Variants in TBX10 observed in about 807,000 individuals in gnomAD.
TBX10 encodes the protein T-box transcription factor 10.
In TBX10, 26 loss-of-function variants were observed where a neutral mutation model predicts 32.4. The ratio of observed to expected loss-of-function variants is 0.80; its 90% CI spans 0.59 to 1.11. TBX10 has a LOEUF of 1.11. TBX10 is among the 50% of genes most tolerant of loss of function. The pLI, the probability that TBX10 is intolerant of heterozygous loss-of-function variation, is 0.00. For missense variants in TBX10, 490 were observed against 494.5 expected (o/e 0.99, Z 0.09); for synonymous variants, 195 against 203.1 (o/e 0.96, Z 0.34).
rs781132994 is a variant in TBX10, at chr11:67,631,755, G to T, written c.1008C>A (p.Ser336Arg). Residue 336 changes from serine (S) to arginine (R), a missense_variant, in exon 8 of 8, where the codon AGC becomes AGA. Transcript: ENST00000335385. ...GTCGGGTCCTTGGGATCCCTAGGTG[G>T]CTCGGGGCTCCAGAGTACAGGCTCT... ...TYQSLYSGAP[S>R]HLGIPRTRPA... 1.5e-5 allele frequency: 24 copies of T among 1,608,468 alleles called. No homozygotes were observed. The East Asian group carries it at 2.9e-4, about 19-fold the overall frequency.
At chr11:67,641,627 G>A (rs1352062629), upstream of TBX10, among the ~76,000 whole-genome samples, 2 of 152,240 alleles carry the variant, frequency 1.3e-5, no homozygotes, top group South Asian at 2.1e-4. Flanking sequence ...GGATGGGCAG[G>A]GTGGGGGTGT....
Position 67,631,604 on chromosome 11 carries a change from A to G in TBX10, c.*1T>C, listed in dbSNP as rs766044725. 8.2e-6 allele frequency: 13 copies of G among 1,593,616 alleles called. No individual in the cohort carries two copies. The highest frequency in any genetic ancestry group is 2.7e-5 in the African/African-American group (2 of 74,712). ...AGGGCTTCCCCCCAGGGCTTCTGGC[A>G]TCACTGGGAGTCCTGGCCAGGCCCC... On this transcript the variant is annotated 3_prime_UTR_variant, in exon 8 of 8. Coordinates refer to ENST00000335385, the MANE Select transcript of TBX10 (RefSeq NM_005995.5).
Position 67,635,251 on chromosome 11 carries a change from G to A in TBX10, c.20C>T (p.Ala7Val), listed in dbSNP as rs1207575715. The A allele has an allele frequency of 6.2e-7, 1 of 1,613,470 alleles. No homozygotes were observed. Among genetic ancestry groups the A allele is most frequent in the Admixed American group, 1.7e-5 (1 of 60,026 alleles). The change falls in exon 2 of 8, where the codon GCT becomes GTT. Residue 7 changes from alanine to valine, a missense_variant. Physicochemically the swap from Ala to Val is moderately conservative, Grantham distance 64 (BLOSUM62 0). This residue lies in a region of TBX10 where 307 missense variants were observed against 294.9 expected (regional missense o/e 1.04). Transcript: ENST00000335385. MAAFLS[A>V]GLGILAPSET... ...TGAGGGTGCAAGTATGCCGAGGCCAGCAGATAGGAAGGCTGTGGAGAGAGG... is the reference window on the plus strand; with the variant it reads ...TGAGGGTGCAAGTATGCCGAGGCCAACAGATAGGAAGGCTGTGGAGAGAGG...
chr11:67,639,819 C>A (rs1486848688), upstream of TBX10, among the ~76,000 whole-genome samples: 2 of 152,162 alleles, frequency 1.3e-5, no homozygotes, highest in Non-Finnish European at 2.9e-5. Flanking sequence ...TGCAGAGCCC[C>A]CCTTCCTCCC....
At chr11:67,633,188 G>A (rs1325174400) in intron 4 of TBX10, 85 bp from the exon 5 acceptor site, 25 of 1,529,900 alleles carry the variant, frequency 1.6e-5, no homozygotes, top group Non-Finnish European at 2.2e-5. Context: ...TCCAAGCCGG[G>A]AGACTGCCCT....
At chr11:67,636,127 G>A (rs1202942089) in intron 1 of TBX10, among the ~76,000 whole-genome samples, 1 of 141,926 alleles carries the variant, frequency 7.0e-6, no homozygotes, top group African/African-American at 2.7e-5. Context: ...TTCCCAGGCT[G>A]GAGTGCAGCG....
intron 6 of TBX10, 40 bp downstream of exon 6, chr11:67,632,563 G>T (rs1215135774): frequency 6.2e-7 from 1 of 1,606,958 alleles, no homozygotes; most frequent in Non-Finnish European, 8.5e-7. Flanking sequence ...GGATATGCCT[G>T]GGGTGGGGGT....
Position 67,631,778 on chromosome 11 carries a change from T to C in TBX10, c.985A>G (p.Ser329Gly). The C allele has an allele frequency of 2.5e-6, 4 of 1,602,810 alleles. No individual in the cohort carries two copies. Among genetic ancestry groups the C allele is most frequent in the Non-Finnish European group, 3.4e-6 (4 of 1,175,222 alleles). The change falls in exon 8 of 8, where the codon AGC (serine) becomes GGC (glycine). Residue 329 changes from serine (S) to glycine (G), a missense_variant. Transcript: ENST00000335385. Reference sequence around the variant, plus strand: ...TGGCTCGGGGCTCCAGAGTACAGGCTCTGATACGTGACAGGCCTGTAGGTG... The same window carrying C: ...TGGCTCGGGGCTCCAGAGTACAGGCCCTGATACGTGACAGGCCTGTAGGTG... ...PATYRPVTYQSLYSGAPSHLG... is the reference protein window; with the variant it reads ...PATYRPVTYQGLYSGAPSHLG...
intron 1 of TBX10, among the ~76,000 whole-genome samples, chr11:67,638,104 G>A (rs2083758247): frequency 6.6e-6 from 1 of 152,128 alleles, no homozygotes; most frequent in Non-Finnish European, 1.5e-5. Context: ...CTATTCGGGA[G>A]GCTGAGACAC....
At position 67,631,385 on chromosome 11, in the gene TBX10, G is replaced by T; in HGVS notation, c.*220C>A. ...GTTACCCCCAAAGCAAGAGGGCACA[G>T]TATTCAGGCTGCTGGGGTTGGGAGA... On this transcript the variant is annotated 3_prime_UTR_variant, in exon 8 of 8. Coordinates refer to ENST00000335385, the MANE Select transcript of TBX10 (RefSeq NM_005995.5). 3 of 617,946 alleles carry T rather than the reference G, an allele frequency of 4.9e-6. No individual in the cohort carries two copies. Among genetic ancestry groups the T allele is most frequent in the Non-Finnish European group, 8.5e-6 (3 of 354,568 alleles). 38.3% of individuals were successfully genotyped at this position (617,946 alleles called of 1,614,324 possible).
intron 5 of TBX10, 126 bp from the exon 6 acceptor site, chr11:67,632,796 A>C: frequency 6.5e-7 from 1 of 1,540,922 alleles, no homozygotes; most frequent in Non-Finnish European, 9.0e-7. Flanking sequence ...CTGAGCTGAT[A>C]GGAGTGCGGG....
upstream of TBX10, among the ~76,000 whole-genome samples, chr11:67,640,482 T>C (rs960549127): frequency 6.6e-6 from 1 of 152,158 alleles, no homozygotes; most frequent in Non-Finnish European, 1.5e-5. Context: ...GAAGTGGGCG[T>C]CCGCTCTGCC....
At position 67,631,406 on chromosome 11, in the gene TBX10, G is replaced by C. The variant is rs1855228406; in HGVS notation, c.*199C>G. ...CACAGTATTCAGGCTGCTGGGGTTG[G>C]GAGATAGAAGTCCTGGTTCCAAGCT... On this transcript the variant is annotated 3_prime_UTR_variant, in exon 8 of 8. Transcript: ENST00000335385. 4 of 666,714 alleles carry C rather than the reference G, an allele frequency of 6.0e-6. No individual in the cohort carries two copies. In the Middle Eastern group the frequency reaches 1.2e-3, roughly 208 times the overall value. The allele number at this position is 666,714 out of a possible 1,614,324, so 41.3% of individuals were successfully genotyped here.
intron 1 of TBX10, among the ~76,000 whole-genome samples, chr11:67,635,940 C>G (rs1855321578): frequency 1.3e-5 from 2 of 152,064 alleles, no homozygotes; most frequent in African/African-American, 2.4e-5. Context: ...TGCTTTGTCA[C>G]CCTTCACCCC....
In TBX10 at chr11:67,631,461, G is replaced by A; in HGVS notation, c.*144C>T. 9.3e-7 allele frequency: 1 copy of A among 1,074,310 alleles called. No homozygotes were observed. Among genetic ancestry groups the A allele is most frequent in the South Asian group, 1.5e-5 (1 of 68,378 alleles). The allele number at this position is 1,074,310 out of a possible 1,614,324, so 66.5% of individuals were successfully genotyped here. A position where few individuals can be genotyped will look rare whatever the true frequency, so the allele number is the denominator to read the frequency against. On this transcript the variant is annotated 3_prime_UTR_variant, in exon 8 of 8. Transcript: ENST00000335385. Reference sequence around the variant, plus strand: ...ATGGTCCCAGCCTTGCTGTGACCCTGGGCAGGTAGCCTCTTTCTCTAGACT... The same window carrying A: ...ATGGTCCCAGCCTTGCTGTGACCCTAGGCAGGTAGCCTCTTTCTCTAGACT...
Position 67,635,157 on chromosome 11 carries a change from G to C in TBX10, c.114C>G (p.Gly38=). 6.2e-7 allele frequency: 1 copy of C among 1,613,864 alleles called. No homozygotes were observed. The highest frequency in any genetic ancestry group is 1.7e-5 in the Admixed American group (1 of 60,034). ...GGGCCCCAGTAGAGCTGGTGCAAGGGCCTGATGGGAATGGTGACCCCAGCC... is the reference window on the plus strand; with the variant it reads ...GGGCCCCAGTAGAGCTGGTGCAAGGCCCTGATGGGAATGGTGACCCCAGCC... ...EPRLGSPFPS[G]PCTSSTGAQA... is the part of the protein sequence containing the mutation. The change falls in exon 2 of 8, where the codon GGC becomes GGG. Residue 38 remains glycine (G), a synonymous_variant. Coordinates refer to ENST00000335385, the MANE Select transcript of TBX10 (RefSeq NM_005995.5).
At chr11:67,632,256 C>G (rs1008860215) in intron 7 of TBX10, 62 bp downstream of exon 7, 5 of 1,595,048 alleles carry the variant, frequency 3.1e-6, no homozygotes, top group Non-Finnish European at 4.3e-6. Context: ...GGTCCTGTCC[C>G]TTTGCCTTCC....
intron 3 of TBX10, among the ~76,000 whole-genome samples, 196 bp downstream of exon 3, chr11:67,634,620 G>A (rs761823071): frequency 5.1e-4 from 78 of 152,168 alleles, no homozygotes; most frequent in Non-Finnish European, 8.8e-5. Flanking sequence ...ACTACCCATG[G>A]AAGTCTGCTG....
chr11:67,631,588 C>T lies in TBX10; in HGVS notation c.*17G>A, dbSNP rs762108181. 6.3e-7 allele frequency: 1 copy of T among 1,584,808 alleles called. No individual in the cohort carries two copies. Among genetic ancestry groups the T allele is most frequent in the Non-Finnish European group, 8.5e-7 (1 of 1,171,762 alleles). On this transcript the variant is annotated 3_prime_UTR_variant, in exon 8 of 8. Transcript: ENST00000335385. ...TAAGGTCCAGGGTAGCAGGGCTTCC[C>T]CCCAGGGCTTCTGGCATCACTGGGA...
Sources: allele counts gnomAD v4.1 joint callset (sites outside exome capture counted in the v4.1 genomes callset), GRCh38; gene constraint gnomAD v4.1.1; regional missense constraint gnomAD v4.1.1; transcripts MANE v1.5; gene names NCBI Gene and HGNC (gene_info 2026-07-23, HGNC 2026-07-21).